Variants in TIMP2 observed in about 807,000 individuals in gnomAD.
The protein encoded by TIMP2 is metalloproteinase inhibitor 2.
A neutral mutation model predicts 24.3 loss-of-function variants in TIMP2; 5 were observed. The ratio of observed to expected loss-of-function variants is 0.21; its 90% confidence interval spans 0.11 to 0.43. The LOEUF (loss-of-function observed/expected upper bound fraction) is 0.43, where lower values mean the gene tolerates loss of function less well. TIMP2 is among the 20% of genes least tolerant of loss of function. TIMP2 has a pLI of 1.00. For synonymous variants in TIMP2, 130 were observed against 123.2 expected, an observed-to-expected ratio of 1.06 and a Z score of -0.37; for missense variants, 221 against 297.5, an observed-to-expected ratio of 0.74 and a Z score of 1.89.
intron 3 of TIMP2, among the ~76,000 whole-genome samples, chr17:78,861,144 G>A (rs904746758): frequency 6.6e-6 from 1 of 152,134 alleles, no homozygotes; most frequent in Non-Finnish European, 1.5e-5. Flanking sequence ...CAGATGGAAA[G>A]GAACCCATTC....
Position 78,854,921 on chromosome 17 carries a change from C to CGGGGGGGGGGG in TIMP2, c.*735_*745dup, listed in dbSNP as rs71161632. The CGGGGGGGGGGG allele has an allele frequency of 1.8e-4, 7 of 39,090 alleles. No individual in the cohort carries two copies. Among genetic ancestry groups the CGGGGGGGGGGG allele is most frequent in the Admixed American group, 2.8e-4 (1 of 3,582 alleles). 2.4% of individuals were successfully genotyped at this position (39,090 alleles called of 1,614,324 possible). A position where few individuals can be genotyped will look rare whatever the true frequency, so the allele number is the denominator to read the frequency against. ...TCCTGCAAGCTGGGGAGCATGTGGGCGGGGGGGGGGGGGTGGGGGGGTGGG... is the reference window on the plus strand; with the variant it reads ...TCCTGCAAGCTGGGGAGCATGTGGGCGGGGGGGGGGGGGGGGGGGGGGGGTGGGGGGGTGGG... On this transcript the variant is annotated 3_prime_UTR_variant, in exon 5 of 5. Coordinates refer to ENST00000262768, the MANE Select transcript of TIMP2 (RefSeq NM_003255.5).
intron 3 of TIMP2, among the ~76,000 whole-genome samples, chr17:78,864,484 C>T (rs2069593073): frequency 6.6e-6 from 1 of 151,444 alleles, no homozygotes; most frequent in African/African-American, 2.4e-5. Flanking sequence ...CTGAAGCCAT[C>T]CTCCTGCCTC....
intron 1 of TIMP2, among the ~76,000 whole-genome samples, chr17:78,874,764 G>C (rs918231251): frequency 6.7e-6 from 1 of 150,036 alleles, no homozygotes; most frequent in Admixed American, 6.6e-5. Context: ...TTTTTCAGAC[G>C]GAGTCTCACT....
At chr17:78,884,044 T>C (rs2069803505) in intron 1 of TIMP2, among the ~76,000 whole-genome samples, 1 of 152,170 alleles carries the variant, frequency 6.6e-6, no homozygotes, top group East Asian at 1.9e-4. Context: ...AGCTCTGCAT[T>C]TTCTCCGTCA....
At chr17:78,890,782 T>C (rs1314338187) in intron 1 of TIMP2, 1 of 1,550,602 alleles carries the variant, frequency 6.4e-7, no homozygotes, top group Non-Finnish European at 8.7e-7. Flanking sequence ...TGGTGCCCGA[T>C]GGGGAAGTGG....
chr17:78,909,981 A>T (rs1725114851), intron 1 of TIMP2, among the ~76,000 whole-genome samples: 1 of 152,138 alleles, frequency 6.6e-6, no homozygotes, highest in South Asian at 2.1e-4. Context: ...TGCCGTCCTT[A>T]TGTGAGCTGG....
At chr17:78,883,290 ACT>A (rs1180108311) in intron 1 of TIMP2, among the ~76,000 whole-genome samples, 3 of 151,950 alleles carry the variant, frequency 2.0e-5, no homozygotes, top group Non-Finnish European at 2.9e-5. Flanking sequence ...CCCTTTCCAG[ACT>A]CTGACCTTGA....
At position 78,891,891 on chromosome 17, in the gene TIMP2, G is replaced by A. The variant is rs1310160519; in HGVS notation, c.131-17972C>T. 1 of 1,550,638 alleles carries A rather than the reference G, an allele frequency of 6.4e-7. No individual in the cohort carries two copies. Among genetic ancestry groups the A allele is most frequent in the South Asian group, 1.2e-5 (1 of 84,062 alleles). ...ATCCGACCCGTGGCTTTTGTAGTCTGTGGTTTCTCTGGACTCGCTGCTGTC... is the reference window on the plus strand; with the variant it reads ...ATCCGACCCGTGGCTTTTGTAGTCTATGGTTTCTCTGGACTCGCTGCTGTC... On this transcript the variant is annotated intron_variant, in intron 1 of 4. Coordinates refer to ENST00000262768, the MANE Select transcript of TIMP2 (RefSeq NM_003255.5). The surrounding 1 kb of genome is among the most constrained non-coding windows in gnomAD (Gnocchi z 4.5).
intron 1 of TIMP2, among the ~76,000 whole-genome samples, chr17:78,919,126 G>A (rs1262744038): frequency 6.6e-6 from 1 of 152,264 alleles, no homozygotes; most frequent in Non-Finnish European, 1.5e-5. Flanking sequence ...GCAGCACCTG[G>A]AGAGTCCTGA....
intron 3 of TIMP2, among the ~76,000 whole-genome samples, chr17:78,857,928 G>A (rs535182769): frequency 1.3e-5 from 2 of 151,998 alleles, no homozygotes; most frequent in South Asian, 4.2e-4. Flanking sequence ...AAATTAGCCG[G>A]GTGTGGTGTC....
chr17:78,856,815 G>GT (rs2069527786), intron 4 of TIMP2: 1 of 152,398 alleles, frequency 6.6e-6, no homozygotes, highest in East Asian at 1.9e-4. Flanking sequence ...TGGAAACAGC[G>GT]TAAGGCCTGC....
chr17:78,915,748 G>C (rs1371354011), intron 1 of TIMP2, among the ~76,000 whole-genome samples: 1 of 152,026 alleles, frequency 6.6e-6, no homozygotes, highest in Non-Finnish European at 1.5e-5. Flanking sequence ...TTGAACTCCC[G>C]ACCTCAGGCG....
chr17:78,883,752 T>C (rs897463700), intron 1 of TIMP2, among the ~76,000 whole-genome samples: 1 of 152,138 alleles, frequency 6.6e-6, no homozygotes, highest in Non-Finnish European at 1.5e-5. Flanking sequence ...GGAAACAGCA[T>C]CTATCAGAGC....
chr17:78,903,069 C>G (rs2070120380), intron 1 of TIMP2: 1 of 152,422 alleles, frequency 6.6e-6, no homozygotes, highest in Non-Finnish European at 1.5e-5. Flanking sequence ...GAACCCCACC[C>G]TCACCACAGA....
At chr17:78,897,499 G>C (rs946879330) in intron 1 of TIMP2, 1 of 152,226 alleles carries the variant, frequency 6.6e-6, no homozygotes, top group South Asian at 2.1e-4. Context: ...GTGTTGTGAC[G>C]AGGCTGCTGG....
intron 3 of TIMP2, among the ~76,000 whole-genome samples, chr17:78,870,133 T>C (rs1370138711): frequency 6.6e-6 from 1 of 151,978 alleles, no homozygotes; most frequent in East Asian, 1.9e-4. Context: ...TGAAAATGGT[T>C]GGCCGGGCGC....
chr17:78,924,757 G>A lies in TIMP2; in HGVS notation c.130+202C>T, dbSNP rs2070336129. On this transcript the variant is annotated intron_variant, in intron 1 of 4. Coordinates refer to ENST00000262768, the MANE Select transcript of TIMP2 (RefSeq NM_003255.5). The surrounding 1 kb of genome is among the most constrained non-coding windows in gnomAD (Gnocchi z 5.3). ...AGGTTGAGACGCATCTCGGCAAAGA[G>A]AGGGAAAGAAAGGGAGAGGAGGGAG... is the stretch of plus-strand genomic sequence containing the variant. 6.6e-6 allele frequency among the ~76,000 whole-genome samples: 1 copy of A among 152,116 alleles called. No homozygotes were observed. Among genetic ancestry groups the A allele is most frequent in the Non-Finnish European group, 1.5e-5 (1 of 68,012 alleles).
chr17:78,918,068 A>ACACACGCGCG (rs1555652957), intron 1 of TIMP2, among the ~76,000 whole-genome samples: 84 of 118,028 alleles, frequency 7.1e-4, no homozygotes, highest in African/African-American at 3.1e-3. Flanking sequence ...ACACACAAAC[A>ACACACGCGCG]CACACACACA....
intron 1 of TIMP2, among the ~76,000 whole-genome samples, chr17:78,913,795 G>A (rs2070229950): frequency 6.6e-6 from 1 of 150,942 alleles, no homozygotes; most frequent in East Asian, 1.9e-4. Flanking sequence ...TGGAGGCTGA[G>A]GCAGGAGAAT....
Sources: allele counts gnomAD v4.1 joint callset (sites outside exome capture counted in the v4.1 genomes callset), GRCh38; gene constraint gnomAD v4.1.1; non-coding constraint Gnocchi (gnomAD v3.1); transcripts MANE v1.5; gene names NCBI Gene and HGNC (gene_info 2026-07-23, HGNC 2026-07-21).